Variants in IMPDH1 observed in about 807,000 individuals in gnomAD.
IMPDH1 encodes the protein inosine-5'-monophosphate dehydrogenase 1.
In IMPDH1, 41 loss-of-function variants were observed where a neutral mutation model predicts 73.5. The observed-to-expected ratio is 0.56, with a 90% CI of 0.43 to 0.72. The LOEUF (loss-of-function observed/expected upper bound fraction) is 0.72, where lower values mean the gene tolerates loss of function less well. Among genes scored for constraint, IMPDH1 ranks in the 30% least tolerant of loss-of-function variants. The probability of loss-of-function intolerance (pLI) is 0.00; values close to 1 mark genes in which losing one functional copy is unlikely to be tolerated. For synonymous variants in IMPDH1, 318 were observed against 334.3 expected (o/e 0.95, Z 0.53); for missense variants, 645 against 824.8 (o/e 0.78, Z 2.67).
Position 128,394,603 on chromosome 7 carries a change from C to A in IMPDH1, c.1551-4G>T, listed in dbSNP as rs376431130. The A allele has an allele frequency of 4.3e-6, 7 of 1,613,196 alleles. No individual in the cohort carries two copies. The African/African-American group carries it at 5.3e-5, about 12-fold the overall frequency. On this transcript the variant is annotated splice_region_variant and splice_polypyrimidine_tract_variant and intron_variant, in intron 14 of 16. Coordinates refer to ENST00000338791, the MANE Select transcript of IMPDH1 (RefSeq NM_000883.4). This position sits in a 1 kb window ranked among gnomAD's most constrained non-coding sequence, Gnocchi z 5.5. The stretch of plus-strand genomic sequence containing the variant: ...GATCTTCACTTTATCCCCCTCGCTG[C>A]GTGGAGGGTGGAAGACTGAGCCCAG...
At chr7:128,406,767 G>A (rs1798807684) in intron 3 of IMPDH1, among the ~76,000 whole-genome samples, 1 of 152,200 alleles carries the variant, frequency 6.6e-6, no homozygotes, top group Admixed American at 6.5e-5. Context: ...CTGAGAAAAT[G>A]GTGTTGGTAC....
In IMPDH1 at chr7:128,395,214, CG is replaced by C; in HGVS notation, c.1321del (p.Arg441AlafsTer7). On this transcript the variant is annotated frameshift_variant, in exon 13 of 17. Coordinates refer to ENST00000338791, the MANE Select transcript of IMPDH1 (RefSeq NM_000883.4). LOFTEE classifies it high-confidence loss of function. ...ATCGGCTATGATGGGCACACCAAAG[CG>C]CCGGGCATACTCAGCCACCTTGTAC... ...AVYKVAEYAR[R>X]FGVPIIADGG... 1.2e-6 allele frequency: 2 copies of C among 1,613,922 alleles called. No homozygotes were observed. The highest frequency in any genetic ancestry group is 1.7e-6 in the Non-Finnish European group (2 of 1,180,046).
intron 3 of IMPDH1, 140 bp from the exon 4 acceptor site, chr7:128,406,005 G>T: frequency 1.9e-6 from 1 of 539,796 alleles, no homozygotes; most frequent in South Asian, 7.6e-5. Context: ...CGGGGGCGGG[G>T]GCTGCGGCAG....
rs571662922 is a variant in IMPDH1, at chr7:128,403,379, G to A, written c.402+327C>T. On this transcript the variant is annotated intron_variant, in intron 5 of 16. Transcript: ENST00000338791. Reference sequence around the variant, plus strand: ...TTGAGACCAGCCTGGCCAACATGGTGAAACCCCGTCTCCACTAAAAACACA... The same window carrying A: ...TTGAGACCAGCCTGGCCAACATGGTAAAACCCCGTCTCCACTAAAAACACA... Among the ~76,000 whole-genome samples the A allele has an allele frequency of 5.3e-5, 8 of 152,292 alleles. No homozygotes were observed. In the East Asian group the frequency reaches 1.5e-3, roughly 29 times the overall value.
In IMPDH1 at chr7:128,396,546, A is replaced by G. The variant is rs1310546387; in HGVS notation, c.1261+54T>C. The G allele has an allele frequency of 8.5e-6, 11 of 1,293,256 alleles. No homozygotes were observed. Among genetic ancestry groups the G allele is most frequent in the Non-Finnish European group, 1.1e-5 (10 of 913,270 alleles). 80.1% of individuals were successfully genotyped at this position (1,293,256 alleles called of 1,614,324 possible). A position where few individuals can be genotyped will look rare whatever the true frequency, so the allele number is the denominator to read the frequency against. ...GAGAGTACTTGATATACATCTGGGG[A>G]ACAAAGGCGAGGCCCCGGGGCCAGC... On this transcript the variant is annotated intron_variant, in intron 12 of 16. Transcript: ENST00000338791. The surrounding 1 kb of genome is among the most constrained non-coding windows in gnomAD (Gnocchi z 4.0).
At chr7:128,409,649 T>C in intron 1 of IMPDH1, 107 bp downstream of exon 1, 1 of 1,502,698 alleles carries the variant, frequency 6.7e-7, no homozygotes, top group Non-Finnish European at 9.1e-7. Flanking sequence ...GGGAAGGGTT[T>C]GTGGGGCCTG....
chr7:128,404,220 C>T (rs549330217), intron 4 of IMPDH1, among the ~76,000 whole-genome samples: 27 of 152,298 alleles, frequency 1.8e-4, no homozygotes, highest in African/African-American at 5.8e-4. Context: ...CCGCATGCCC[C>T]GGTGCCTGGG....
Position 128,400,871 on chromosome 7 carries a change from G to A in IMPDH1, c.525C>T (p.Phe175=). 6.2e-7 allele frequency: 1 copy of A among 1,614,164 alleles called. No homozygotes were observed. The highest frequency in any genetic ancestry group is 8.5e-7 in the Non-Finnish European group (1 of 1,179,998). ...ACTCTGGGGTGCAGTTGTGGTGAAT[G>A]AAACCAATACCTCCCATCAGCTGAT... ...IAMALMGGIG[F]IHHNCTPEFQ... The change falls in exon 7 of 17, where the codon TTC becomes TTT. Residue 175 remains phenylalanine (F), a synonymous_variant. Coordinates refer to ENST00000338791, the MANE Select transcript of IMPDH1 (RefSeq NM_000883.4).
chr7:128,399,474 C>T (rs1481910787), intron 9 of IMPDH1, among the ~76,000 whole-genome samples: 1 of 148,272 alleles, frequency 6.7e-6, no homozygotes, highest in Non-Finnish European at 1.5e-5. Context: ...GCCAGGAGTT[C>T]AAGACCAGCC....
At chr7:128,400,583 G>C in intron 7 of IMPDH1, 44 bp from the exon 8 acceptor site, 1 of 1,565,448 alleles carries the variant, frequency 6.4e-7, no homozygotes, top group Non-Finnish European at 8.8e-7. Flanking sequence ...AGAAAGCCAG[G>C]GATGATGTCC....
At chr7:128,397,892 C>A (rs1459793299) in intron 10 of IMPDH1, among the ~76,000 whole-genome samples, 1 of 152,164 alleles carries the variant, frequency 6.6e-6, no homozygotes, top group Non-Finnish European at 1.5e-5. Flanking sequence ...CTCCCACCCT[C>A]TCCCATTTTG....
At chr7:128,401,155 C>A in intron 5 of IMPDH1, 39 bp from the exon 6 acceptor site, 1 of 1,471,636 alleles carries the variant, frequency 6.8e-7, no homozygotes, top group Non-Finnish European at 9.5e-7. Context: ...GAGTTTATCA[C>A]CCACTGGACA....
At chr7:128,408,588 G>A (rs1798930830) in intron 3 of IMPDH1, among the ~76,000 whole-genome samples, 1 of 152,104 alleles carries the variant, frequency 6.6e-6, no homozygotes, top group Non-Finnish European at 1.5e-5. Flanking sequence ...GTTGGGGGTG[G>A]GGGTAGGGAT....
At position 128,394,494 on chromosome 7, in the gene IMPDH1, GC is replaced by G; in HGVS notation, c.1655del (p.Gly552AlafsTer16). The G allele has an allele frequency of 6.2e-7, 1 of 1,614,056 alleles. No homozygotes were observed. The highest frequency in any genetic ancestry group is 8.5e-7 in the Non-Finnish European group (1 of 1,179,998). On this transcript the variant is annotated frameshift_variant, in exon 15 of 17. Coordinates refer to ENST00000338791, the MANE Select transcript of IMPDH1 (RefSeq NM_000883.4). LOFTEE classifies it high-confidence loss of function. This position sits in a 1 kb window ranked among gnomAD's most constrained non-coding sequence, Gnocchi z 5.5. ...VPYLIAGIQH[G>X]CQDIGARSLS... is the part of the protein sequence containing the mutation. Reference sequence around the variant, plus strand: ...GGCTGCGGGCCCCGATATCCTGGCAGCCGTGTTGGATGCCTGCTATGAGGTA... The same window carrying G: ...GGCTGCGGGCCCCGATATCCTGGCAGCGTGTTGGATGCCTGCTATGAGGTA...
At chr7:128,400,711 G>A (rs1798271122) in intron 7 of IMPDH1, 106 bp downstream of exon 7, 3 of 1,187,694 alleles carry the variant, frequency 2.5e-6, no homozygotes, top group Admixed American at 3.4e-5. Flanking sequence ...TGAGAGGAAG[G>A]ACACGCAGGG....
chr7:128,393,522 T>C (rs1797679223), intron 16 of IMPDH1, among the ~76,000 whole-genome samples: 1 of 152,146 alleles, frequency 6.6e-6, no homozygotes, highest in Admixed American at 6.5e-5. Flanking sequence ...TTCAGCTGGA[T>C]GAGGGGACAC....
At chr7:128,397,093 T>C (rs1797974597) in intron 10 of IMPDH1, 71 bp from the exon 11 acceptor site, 4 of 960,548 alleles carry the variant, frequency 4.2e-6, no homozygotes, top group Admixed American at 1.7e-5. Flanking sequence ...AGAGCCTGAG[T>C]GGATGAACCC....
chr7:128,405,781 G>A lies in IMPDH1; in HGVS notation c.339C>T (p.Asp113=). 1.3e-6 allele frequency: 2 copies of A among 1,538,564 alleles called. No homozygotes were observed. Among genetic ancestry groups the A allele is most frequent in the Non-Finnish European group, 1.7e-6 (2 of 1,143,428 alleles). The part of the protein sequence containing the change: ...LTAQQLFASA[D]GLTYNDFLIL... Reference sequence around the variant, plus strand: ...CCGGCGCTTACTTGTAGGTGAGGCCGTCGGCGCTGGCGAAGAGCTGCTGCG... The same window carrying A: ...CCGGCGCTTACTTGTAGGTGAGGCCATCGGCGCTGGCGAAGAGCTGCTGCG... Residue 113 remains aspartate (D), a synonymous_variant, in exon 4 of 17, where the codon GAC becomes GAT. Coordinates refer to ENST00000338791, the MANE Select transcript of IMPDH1 (RefSeq NM_000883.4).
intron 5 of IMPDH1, 89 bp downstream of exon 5, chr7:128,403,617 A>G: frequency 8.6e-7 from 1 of 1,165,878 alleles, no homozygotes; most frequent in Non-Finnish European, 1.3e-6. Context: ...AAGTCTCTCC[A>G]TCTCTCCATG....
Sources: allele counts gnomAD v4.1 joint callset (sites outside exome capture counted in the v4.1 genomes callset), GRCh38; gene constraint gnomAD v4.1.1; non-coding constraint Gnocchi (gnomAD v3.1); transcripts MANE v1.5; gene names NCBI Gene and HGNC (gene_info 2026-07-23, HGNC 2026-07-21).